Variants in SAMD3 observed in about 807,000 individuals in gnomAD.
SAMD3 encodes sterile alpha motif domain-containing protein 3.
In SAMD3, 63 loss-of-function variants were observed where a neutral mutation model predicts 58.5. The ratio of observed to expected loss-of-function variants is 1.08; its 90% CI spans 0.88 to 1.33. The LOEUF is 1.33. Among genes scored for constraint, SAMD3 ranks in the 40% most tolerant of loss-of-function variants. The pLI is 0.00. For synonymous variants in SAMD3, 220 were observed against 210.3 expected (o/e 1.05, Z -0.40); for missense variants, 604 against 608.4 (o/e 0.99, Z 0.08).
intron 2 of SAMD3, among the ~76,000 whole-genome samples, chr6:130,271,259 C>G (rs186050006): frequency 6.6e-6 from 1 of 152,128 alleles, no homozygotes; most frequent in Non-Finnish European, 1.5e-5. Context: ...CTCAGCCTCC[C>G]AAAGTGCTGG....
rs886086723 is a variant in SAMD3 at position 130,222,826 on chromosome 6, A to G, written c.-200T>C. On this transcript the variant is annotated 5_prime_UTR_variant, in exon 1 of 12. Coordinates refer to ENST00000439090, the MANE Select transcript of SAMD3 (RefSeq NM_001017373.4). ...TCCTTTGTTTTATCTGAAAAATGGA[A>G]GATATCACCTACAAATCTGGAATCT... 3.3e-5 allele frequency: 5 copies of G among 152,186 alleles called. No homozygotes were observed. Among genetic ancestry groups the G allele is most frequent in the Non-Finnish European group, 7.3e-5 (5 of 68,030 alleles). 9.4% of individuals were successfully genotyped at this position (152,186 alleles called of 1,614,324 possible). A position where few individuals can be genotyped will look rare whatever the true frequency, so the allele number is the denominator to read the frequency against.
At chr6:130,261,424 C>T (rs957919807) in intron 2 of SAMD3, among the ~76,000 whole-genome samples, 16 of 152,320 alleles carry the variant, frequency 1.1e-4, no homozygotes, top group South Asian at 8.3e-4. Flanking sequence ...TGATCACCCA[C>T]GGTGTGCCTG....
chr6:130,256,362 C>T (rs185690947), intron 2 of SAMD3, among the ~76,000 whole-genome samples: 20 of 152,238 alleles, frequency 1.3e-4, no homozygotes, highest in African/African-American at 4.3e-4. Flanking sequence ...GAATCTGAGA[C>T]GACCACATGT....
intron 5 of SAMD3, among the ~76,000 whole-genome samples, chr6:130,189,824 A>G (rs568751624): frequency 1.3e-5 from 2 of 152,268 alleles, no homozygotes; most frequent in Admixed American, 6.5e-5. Flanking sequence ...TGAAATGTGA[A>G]AAACAGAATG....
At chr6:130,182,025 A>C (rs111256318) in intron 7 of SAMD3, among the ~76,000 whole-genome samples, 3,941 of 149,956 alleles carry the variant, frequency 0.026, 79 homozygotes, top group Non-Finnish European at 0.033. Context: ...AGATCGTGCC[A>C]CTGCACTCCA....
At chr6:130,284,009 C>T (rs552485034) in intron 2 of SAMD3, among the ~76,000 whole-genome samples, 5 of 152,134 alleles carry the variant, frequency 3.3e-5, no homozygotes, top group Admixed American at 6.6e-5. Context: ...TGTGCCATCA[C>T]GCCAGGCTAA....
At chr6:130,163,410 T>C (rs1790440527) in intron 8 of SAMD3, among the ~76,000 whole-genome samples, 1 of 152,182 alleles carries the variant, frequency 6.6e-6, no homozygotes, top group African/African-American at 2.4e-5. Flanking sequence ...TGTCGTCAAG[T>C]GTTGACTTGG....
intron 8 of SAMD3, among the ~76,000 whole-genome samples, chr6:130,164,416 TAAAGATAGTACAAGGAC>T (rs1790543002): frequency 6.6e-6 from 1 of 152,162 alleles, no homozygotes; most frequent in Non-Finnish European, 1.5e-5. Flanking sequence ...TTCCCCACGC[TAAAGATAGTACAAGGAC>T]ACAGATTGTA....
At chr6:130,153,662 A>T (rs1023175068) in intron 9 of SAMD3, among the ~76,000 whole-genome samples, 42 of 131,266 alleles carry the variant, frequency 3.2e-4, no homozygotes, top group Middle Eastern at 3.9e-3. Context: ...ATATATATAT[A>T]TATTTATTTA....
At chr6:130,237,225 A>C (rs1476803024) in intron 2 of SAMD3, among the ~76,000 whole-genome samples, 1 of 152,162 alleles carries the variant, frequency 6.6e-6, no homozygotes, top group Admixed American at 6.5e-5. Context: ...AGGCGCTACT[A>C]TTCTGTTTCA....
chr6:130,270,414 T>A (rs779332726), intron 2 of SAMD3, among the ~76,000 whole-genome samples: 6 of 152,206 alleles, frequency 3.9e-5, no homozygotes, highest in Non-Finnish European at 8.8e-5. Flanking sequence ...GTAGTCCACA[T>A]GAAACTATGA....
At chr6:130,236,652 G>A (rs1773161820) in intron 2 of SAMD3, among the ~76,000 whole-genome samples, 1 of 152,124 alleles carries the variant, frequency 6.6e-6, no homozygotes, top group Non-Finnish European at 1.5e-5. Flanking sequence ...AAAGTGTTGG[G>A]ATTACAGGCG....
intron 7 of SAMD3, chr6:130,183,004 T>C (rs1477818519): frequency 5.2e-6 from 1 of 191,612 alleles, no homozygotes; most frequent in East Asian, 1.5e-4. Context: ...CTCAGTTTTT[T>C]ATTAACTATT....
intron 1 of SAMD3, among the ~76,000 whole-genome samples, chr6:130,333,086 T>TGTGTGTGTGTGTGTG (rs1776991016): frequency 2.8e-5 from 4 of 142,756 alleles, no homozygotes; most frequent in Non-Finnish European, 6.0e-5. Context: ...TGTGTGTGTG[T>TGTGTGTGTGTGTGTG]TAAGGGGGTG....
chr6:130,260,884 A>G (rs1401072281), intron 2 of SAMD3, among the ~76,000 whole-genome samples: 1 of 152,226 alleles, frequency 6.6e-6, no homozygotes, highest in African/African-American at 2.4e-5. Flanking sequence ...TGGTAAGACT[A>G]GTCTTTGGAA....
At chr6:130,286,579 G>A (rs1257606845) in intron 2 of SAMD3, among the ~76,000 whole-genome samples, 2 of 151,866 alleles carry the variant, frequency 1.3e-5, no homozygotes, top group African/African-American at 4.8e-5. Flanking sequence ...ATGTACCCTT[G>A]GCCTACTCAT....
chr6:130,204,062 AG>A (rs2114799000), intron 5 of SAMD3, among the ~76,000 whole-genome samples: 1 of 152,334 alleles, frequency 6.6e-6, no homozygotes, highest in South Asian at 2.1e-4. Flanking sequence ...AAAAAAAAAA[AG>A]TTTGTAATTA....
At chr6:130,228,200 A>G (rs2114874334) in intron 2 of SAMD3, among the ~76,000 whole-genome samples, 1 of 152,336 alleles carries the variant, frequency 6.6e-6, no homozygotes, top group Middle Eastern at 3.4e-3. Flanking sequence ...CAAAGAGTTC[A>G]CAACTCCAGC....
chr6:130,248,624 G>T (rs1177963680), intron 2 of SAMD3, among the ~76,000 whole-genome samples: 3 of 152,100 alleles, frequency 2.0e-5, no homozygotes, highest in African/African-American at 7.2e-5. Flanking sequence ...TCCTTGCAAG[G>T]CCTCAGGAGA....
Sources: allele counts gnomAD v4.1 joint callset (sites outside exome capture counted in the v4.1 genomes callset), GRCh38; gene constraint gnomAD v4.1.1; transcripts MANE v1.5; gene names NCBI Gene and HGNC (gene_info 2026-07-23, HGNC 2026-07-21).